Variants in GRIP2 observed in about 807,000 individuals in gnomAD.
The protein encoded by GRIP2 is glutamate receptor interacting protein 2.
A neutral mutation model predicts 108.3 loss-of-function variants in GRIP2; 58 were observed. The observed-to-expected ratio is 0.54, with a 90% CI of 0.43 to 0.67. GRIP2 has a LOEUF of 0.67. Among genes scored for constraint, GRIP2 ranks in the 30% least tolerant of loss-of-function variants. The probability of loss-of-function intolerance (pLI) is 0.00; values close to 1 mark genes in which losing one functional copy is unlikely to be tolerated. For missense variants in GRIP2, 1,278 were observed against 1,430.6 expected, an observed-to-expected ratio of 0.89 and a Z score of 1.72; for synonymous variants, 586 against 598.2, an observed-to-expected ratio of 0.98 and a Z score of 0.30.
chr3:14,493,607 G>A lies in GRIP2; in HGVS notation c.*58C>T. 6.7e-7 allele frequency: 1 copy of A among 1,494,212 alleles called. No homozygotes were observed. Among genetic ancestry groups the A allele is most frequent in the Non-Finnish European group, 9.0e-7 (1 of 1,112,170 alleles). 92.6% of individuals were successfully genotyped at this position (1,494,212 alleles called of 1,614,324 possible). ...GGCCGCTTCTCCAGCCCAGCTACGT[G>A]TCTGGGAGCCAGGATCTGCCTGGGT... On this transcript the variant is annotated 3_prime_UTR_variant, in exon 24 of 24. Transcript: ENST00000621039.
Position 14,511,565 on chromosome 3 carries a change from G to A in GRIP2, c.1721-86C>T, listed in dbSNP as rs1476874391. 2.4e-5 allele frequency: 31 copies of A among 1,267,196 alleles called. No homozygotes were observed. Among genetic ancestry groups the A allele is most frequent in the Admixed American group, 3.8e-5 (2 of 53,132 alleles). 78.5% of individuals were successfully genotyped at this position (1,267,196 alleles called of 1,614,324 possible). On this transcript the variant is annotated intron_variant, in intron 14 of 23. Transcript: ENST00000621039. This position sits in a 1 kb window ranked among gnomAD's most constrained non-coding sequence, Gnocchi z 4.1. ...AGCCCAGGGGTCTGAGTGTGGACTC[G>A]GAGCCACTGGTCCTACTCACATCCT...
chr3:14,538,012 C>T (rs913068146), intron 1 of GRIP2, among the ~76,000 whole-genome samples: 1 of 152,170 alleles, frequency 6.6e-6, no homozygotes, highest in Non-Finnish European at 1.5e-5. Context: ...CCCTTCCTGC[C>T]AGAACTCTGG....
At chr3:14,515,815 G>A (rs987058568) in intron 11 of GRIP2, among the ~76,000 whole-genome samples, 1 of 151,866 alleles carries the variant, frequency 6.6e-6, no homozygotes, top group Non-Finnish European at 1.5e-5. Flanking sequence ...ATTTTTGGTA[G>A]AGATGGAGTT....
At chr3:14,580,243 T>G in the GRIP2 span, among the ~76,000 whole-genome samples, 3,600 of 152,268 alleles carry the variant, frequency 0.024, 168 homozygotes, top group African/African-American at 0.081. Flanking sequence ...CAGAAGGTTC[T>G]CCTCCCTCTC....
upstream of GRIP2, chr3:14,556,090 C>T (rs1243071146): frequency 2.5e-6 from 1 of 397,912 alleles, no homozygotes; most frequent in Non-Finnish European, 4.4e-6. Context: ...CTCCGCCCTC[C>T]CGGAGTTGCT....
the GRIP2 span, chr3:14,574,277 G>T: frequency 1.1e-6 from 1 of 942,632 alleles, no homozygotes; most frequent in Non-Finnish European, 1.7e-6. Context: ...AGGTGTGGTT[G>T]TTGAGCCGTC....
upstream of GRIP2, among the ~76,000 whole-genome samples, chr3:14,543,556 C>A (rs1695011809): frequency 6.6e-6 from 1 of 152,232 alleles, no homozygotes. Flanking sequence ...TGCTTGATCA[C>A]CCTCCAAAGA....
chr3:14,589,497 T>C, the GRIP2 span, among the ~76,000 whole-genome samples: 1 of 152,184 alleles, frequency 6.6e-6, no homozygotes, highest in Admixed American at 6.5e-5. Context: ...ACCTGAACAA[T>C]GTGACTGAGT....
chr3:14,539,848 A>G (rs560220879), intron 1 of GRIP2, among the ~76,000 whole-genome samples: 4 of 151,960 alleles, frequency 2.6e-5, no homozygotes, highest in Non-Finnish European at 4.4e-5. Context: ...CCAGCACAGG[A>G]ACTCCTCACC....
intron 1 of GRIP2, among the ~76,000 whole-genome samples, chr3:14,547,324 A>G (rs1695073447): frequency 6.6e-6 from 1 of 152,190 alleles, no homozygotes; most frequent in African/African-American, 2.4e-5. Flanking sequence ...ACACAGACGG[A>G]AAGACCTGTT....
intron 1 of GRIP2, among the ~76,000 whole-genome samples, chr3:14,555,518 C>CG (rs1695223583): frequency 6.6e-6 from 1 of 151,590 alleles, no homozygotes; most frequent in Admixed American, 6.6e-5. Flanking sequence ...AGAGCAGAGG[C>CG]GGGGGCAGAG....
At chr3:14,548,458 C>T (rs1183515727) in intron 1 of GRIP2, among the ~76,000 whole-genome samples, 1 of 152,072 alleles carries the variant, frequency 6.6e-6, no homozygotes, top group Non-Finnish European at 1.5e-5. Flanking sequence ...CAGCGACTCC[C>T]CCTTGTGGCT....
At chr3:14,503,307 ACATG>A (rs2124856670) in intron 21 of GRIP2, among the ~76,000 whole-genome samples, 1 of 152,364 alleles carries the variant, frequency 6.6e-6, no homozygotes, top group Non-Finnish European at 1.5e-5. Context: ...CCCAATGTAC[ACATG>A]ATGATGTCAC....
chr3:14,509,689 C>G (rs1023624723), intron 17 of GRIP2, 131 bp downstream of exon 17: 11 of 945,350 alleles, frequency 1.2e-5, no homozygotes, highest in Non-Finnish European at 1.6e-5. Context: ...GGGGAAGTGA[C>G]TGGCCCAATG....
rs1308162815 is a variant in GRIP2, at chr3:14,525,881, A to G, written c.91T>C (p.Ser31Pro). ...GGKDAGGADV[S>P]LACRRQSIPE... Reference sequence around the variant, plus strand: ...ATGCTCTGTCTGCGGCACGCCAGGGAAACGTCGGCCCCTCCTGCGTCCTTG... The same window carrying G: ...ATGCTCTGTCTGCGGCACGCCAGGGGAACGTCGGCCCCTCCTGCGTCCTTG... Residue 31 changes from serine (S) to proline (P), a missense_variant, in exon 2 of 24, where the codon TCC (serine) becomes CCC (proline). By Grantham distance (74) the Ser-to-Pro change is moderately conservative. Coordinates refer to ENST00000621039, the MANE Select transcript of GRIP2 (RefSeq NM_001080423.4). 6.4e-7 allele frequency: 1 copy of G among 1,560,834 alleles called. No homozygotes were observed. Among genetic ancestry groups the G allele is most frequent in the South Asian group, 1.2e-5 (1 of 84,526 alleles).
At chr3:14,529,187 G>A (rs559169620) in intron 1 of GRIP2, among the ~76,000 whole-genome samples, 1 of 151,814 alleles carries the variant, frequency 6.6e-6, no homozygotes, top group East Asian at 1.9e-4. Context: ...GCTGAGGCAG[G>A]TGAATGGCGT....
chr3:14,564,859 C>T, the GRIP2 span, among the ~76,000 whole-genome samples: 2 of 152,206 alleles, frequency 1.3e-5, no homozygotes, highest in African/African-American at 2.4e-5. Context: ...AGCCTGAAGC[C>T]GAGTGGGAAT....
At chr3:14,513,122 G>A (rs1404445149) in intron 13 of GRIP2, among the ~76,000 whole-genome samples, 4 of 152,176 alleles carry the variant, frequency 2.6e-5, no homozygotes, top group Non-Finnish European at 5.9e-5. Context: ...CGGGCGGGAA[G>A]GGAGCTCCCC....
intron 2 of GRIP2, 68 bp from the exon 3 acceptor site, chr3:14,525,640 T>A (rs1277228549): frequency 6.3e-7 from 1 of 1,586,532 alleles, no homozygotes; most frequent in Non-Finnish European, 8.6e-7. Context: ...AGCTCTAAGA[T>A]AAGCGAGGCG....
Sources: gnomAD v4.1 joint callset for allele counts (sites outside exome capture counted in the v4.1 genomes callset) on GRCh38, gnomAD v4.1.1 for gene constraint, Gnocchi (gnomAD v3.1) non-coding constraint, MANE v1.5 for transcripts, NCBI Gene and HGNC (gene_info 2026-07-23, HGNC 2026-07-21) for gene names.